The following CNBD1 variants were observed in gnomAD, a reference collection of about 807,000 sequenced individuals.
CNBD1 encodes cyclic nucleotide-binding domain-containing protein 1.
Under a neutral mutation model 54.4 loss-of-function variants are expected in CNBD1, and 71 were observed. The observed-to-expected ratio is 1.30, with a 90% confidence interval of 1.08 to 1.59. The LOEUF (loss-of-function observed/expected upper bound fraction) is 1.59, where lower values mean the gene tolerates loss of function less well. Ranked by LOEUF, CNBD1 falls within the 40% of genes most tolerant of loss-of-function variation. CNBD1 has a pLI of 0.00. For synonymous variants in CNBD1, 182 were observed against 170.7 expected, an observed-to-expected ratio of 1.07 and a Z score of -0.51; for missense variants, 659 against 518.0, an observed-to-expected ratio of 1.27 and a Z score of -2.64.
intron 4 of CNBD1, among the ~76,000 whole-genome samples, chr8:87,193,603 C>G (rs1019891491): frequency 1.3e-5 from 2 of 152,150 alleles, no homozygotes; most frequent in African/African-American, 4.8e-5. Flanking sequence ...TTTCCTTTCA[C>G]TTATAGAGAC....
rs565493981 is a variant in CNBD1, at chr8:87,077,136, C to A, written c.432-128857C>A. Reference sequence around the variant, plus strand: ...GGGCAAAGGAAGGATATTTTTGAGGCCTTGAGGGACCTGGCTTAAAAAGGA... The same window carrying A: ...GGGCAAAGGAAGGATATTTTTGAGGACTTGAGGGACCTGGCTTAAAAAGGA... On this transcript the variant is annotated intron_variant, in intron 4 of 10. Transcript: ENST00000518476. Among the ~76,000 whole-genome samples, 49 of 152,236 alleles carry A rather than the reference C, an allele frequency of 3.2e-4. 1 individual carries two copies. The highest frequency in any genetic ancestry group is 1.9e-3 in the Admixed American group (29 of 15,300).
At chr8:86,979,343 A>C (rs1808414986) in intron 4 of CNBD1, among the ~76,000 whole-genome samples, 1 of 146,798 alleles carries the variant, frequency 6.8e-6, no homozygotes, top group East Asian at 2.0e-4. Context: ...AAATTGGCAG[A>C]TCACTTGAGC....
chr8:87,376,005 G>A (rs913303931), intron 10 of CNBD1, among the ~76,000 whole-genome samples: 1 of 151,746 alleles, frequency 6.6e-6, no homozygotes, highest in Non-Finnish European at 1.5e-5. Context: ...ATGTTGGTTG[G>A]CAAATTTAAA....
chr8:87,427,378 A>G (rs1808068269), intron 2 of CNBD1, among the ~76,000 whole-genome samples: 1 of 152,146 alleles, frequency 6.6e-6, no homozygotes, highest in African/African-American at 2.4e-5. Context: ...ATGGCTTTTT[A>G]TGAATATTGA....
At chr8:86,916,632 A>C (rs556122653) in intron 3 of CNBD1, among the ~76,000 whole-genome samples, 1 of 152,202 alleles carries the variant, frequency 6.6e-6, no homozygotes, top group South Asian at 2.1e-4. Flanking sequence ...ACTGCTGATT[A>C]CTAGTTTCAG....
intron 4 of CNBD1, among the ~76,000 whole-genome samples, chr8:87,097,280 A>G (rs1462517674): frequency 6.6e-6 from 1 of 152,164 alleles, no homozygotes; most frequent in East Asian, 1.9e-4. Flanking sequence ...ATTTGGTTTC[A>G]AAAATGAATC....
rs1216807918 is a variant in CNBD1 at position 87,322,742 on chromosome 8, C to A, written c.1043-28943C>A. Reference sequence around the variant, plus strand: ...TGAGTAGGTTGCGAAAATTTTCTCCCATGTTGTAGGTTGCCTGTTCACTCT... The same window carrying A: ...TGAGTAGGTTGCGAAAATTTTCTCCAATGTTGTAGGTTGCCTGTTCACTCT... On this transcript the variant is annotated intron_variant, in intron 8 of 10. Transcript: ENST00000518476. Among the ~76,000 whole-genome samples, 32 of 73,418 alleles carry A rather than the reference C, an allele frequency of 4.4e-4. 3 individuals carry two copies. Among genetic ancestry groups the A allele is most frequent in the African/African-American group, 1.7e-3 (31 of 18,422 alleles). 48.2% of individuals were successfully genotyped at this position (73,418 alleles called of 152,430 possible).
At chr8:87,148,550 G>T (rs988595988) in intron 4 of CNBD1, among the ~76,000 whole-genome samples, 3 of 152,132 alleles carry the variant, frequency 2.0e-5, no homozygotes, top group African/African-American at 7.2e-5. Flanking sequence ...CTGTTCTGTG[G>T]CAGAGAAGGG....
intron 4 of CNBD1, among the ~76,000 whole-genome samples, chr8:87,071,251 C>T (rs1810753704): frequency 6.6e-6 from 1 of 152,022 alleles, no homozygotes; most frequent in Admixed American, 6.6e-5. Flanking sequence ...TCACCACTTT[C>T]TAAAATTTTC....
chr8:86,918,962 T>C (rs928026089), intron 3 of CNBD1, among the ~76,000 whole-genome samples: 5 of 152,064 alleles, frequency 3.3e-5, no homozygotes. Flanking sequence ...AACACATTAT[T>C]TAGCTTCTAC....
chr8:87,009,591 C>T (rs1296368180), intron 4 of CNBD1, among the ~76,000 whole-genome samples: 1 of 152,112 alleles, frequency 6.6e-6, no homozygotes, highest in Non-Finnish European at 1.5e-5. Flanking sequence ...CATGAGCCAC[C>T]ACACCTGGCC....
At chr8:87,186,377 C>T (rs1000519001) in intron 4 of CNBD1, among the ~76,000 whole-genome samples, 27 of 152,048 alleles carry the variant, frequency 1.8e-4, no homozygotes, top group African/African-American at 5.8e-4. Context: ...TCTCTTTAGC[C>T]AATCTAATCA....
downstream of CNBD1, chr8:87,382,917 T>TA (rs1554585214): frequency 1.1e-5 from 3 of 268,960 alleles, no homozygotes; most frequent in African/African-American, 2.2e-5. Flanking sequence ...AAAGTAGTTG[T>TA]AAAAAATTAA....
chr8:87,284,765 G>A lies in CNBD1; in HGVS notation c.859G>A (p.Asp287Asn), dbSNP rs370856044. 7.4e-5 allele frequency: 117 copies of A among 1,584,622 alleles called. No individual in the cohort carries two copies. The highest frequency in any genetic ancestry group is 3.5e-4 in the African/African-American group (25 of 72,086). ...GATGTTCTCGGTGGTGACAGAAGAC[G>A]ATTGTGAAATTCTTAAAATCCCAGC... ...TQMFSVVTEDDCEILKIPAKG... is the reference protein window; with the variant it reads ...TQMFSVVTEDNCEILKIPAKG... Residue 287 changes from aspartate to asparagine, a missense_variant, in exon 7 of 11, where the codon GAT becomes AAT. Physicochemically the swap from Asp to Asn is conservative, Grantham distance 23. Coordinates refer to ENST00000518476, the MANE Select transcript of CNBD1 (RefSeq NM_173538.3).
intron 3 of CNBD1, among the ~76,000 whole-genome samples, chr8:86,909,084 T>C (rs1373066919): frequency 6.6e-6 from 1 of 152,126 alleles, no homozygotes; most frequent in East Asian, 1.9e-4. Context: ...TACTGTACAA[T>C]AATTGACTTA....
chr8:87,229,279 A>G (rs1490566618), intron 5 of CNBD1, among the ~76,000 whole-genome samples: 3 of 150,818 alleles, frequency 2.0e-5, no homozygotes, highest in Non-Finnish European at 3.0e-5. Context: ...CCTCCCCCCG[A>G]TTTTTCTTAA....
chr8:87,351,179 G>A (rs571321131), intron 8 of CNBD1, among the ~76,000 whole-genome samples: 9 of 152,302 alleles, frequency 5.9e-5, no homozygotes, highest in African/African-American at 1.7e-4. Context: ...TAGCGGAGTA[G>A]GTTCAAACTG....
chr8:87,268,877 G>T (rs946238100), intron 6 of CNBD1, among the ~76,000 whole-genome samples: 17 of 152,122 alleles, frequency 1.1e-4, no homozygotes, highest in African/African-American at 4.1e-4. Context: ...TATGTTGTCA[G>T]TTTACTCCGT....
rs545461965 is a variant in CNBD1 at position 86,954,024 on chromosome 8, G to T, written c.431+14270G>T. The stretch of plus-strand genomic sequence containing the variant: ...CTTAACACACTTAATAGGATTTCAG[G>T]TTATTATAAGTCATCCATTTAAATC... On this transcript the variant is annotated intron_variant, in intron 4 of 10. Coordinates refer to ENST00000518476, the MANE Select transcript of CNBD1 (RefSeq NM_173538.3). Among the ~76,000 whole-genome samples the T allele has an allele frequency of 3.9e-5, 6 of 152,252 alleles. No individual in the cohort carries two copies. In the South Asian group the frequency reaches 1.2e-3, roughly 32 times the overall value.
Sources: allele counts gnomAD v4.1 joint callset (sites outside exome capture counted in the v4.1 genomes callset), GRCh38; gene constraint gnomAD v4.1.1; transcripts MANE v1.5; gene names NCBI Gene and HGNC (gene_info 2026-07-23, HGNC 2026-07-21).